The following PRRC2C variants were observed in gnomAD, a reference collection of about 807,000 sequenced individuals.
PRRC2C encodes the protein proline rich coiled-coil 2C, also known as protein PRRC2C.
In PRRC2C, 72 loss-of-function variants were observed where a neutral mutation model predicts 317.2. That is an observed-to-expected ratio of 0.23 (90% CI 0.19 to 0.28). PRRC2C has a LOEUF of 0.28. Ranked by LOEUF, PRRC2C falls within the 10% of genes least tolerant of loss-of-function variation. The pLI is 1.00. For missense variants in PRRC2C, 3,074 were observed against 3,459.7 expected (o/e 0.89, Z 2.80); for synonymous variants, 1,296 against 1,205.9 (o/e 1.07, Z -1.55).
chr1:171,529,783 A>G (rs1160075799), intron 11 of PRRC2C, among the ~76,000 whole-genome samples: 1 of 152,090 alleles, frequency 6.6e-6, no homozygotes, highest in Non-Finnish European at 1.5e-5. Flanking sequence ...ATCTCTGTCT[A>G]CTTTTCTAAT....
chr1:171,509,087 G>A (rs908282985), intron 1 of PRRC2C, among the ~76,000 whole-genome samples: 82 of 151,840 alleles, frequency 5.4e-4, no homozygotes, highest in African/African-American at 1.9e-3. Context: ...GGGTTTCACC[G>A]TGTTAGCCAG....
chr1:171,517,893 A>C (rs760008389), intron 6 of PRRC2C, 79 bp downstream of exon 6: 30 of 1,230,410 alleles, frequency 2.4e-5, no homozygotes, highest in South Asian at 5.7e-5. Flanking sequence ...TTATAGGGAA[A>C]AGTTTAGGTC....
chr1:171,562,704 GT>G (rs1180879566), intron 20 of PRRC2C, among the ~76,000 whole-genome samples: 1 of 152,166 alleles, frequency 6.6e-6, no homozygotes, highest in African/African-American at 2.4e-5. Flanking sequence ...TTTTTGACAT[GT>G]TAGATTTAAG....
intron 22 of PRRC2C, 83 bp from the exon 23 acceptor site, chr1:171,568,164 G>A (rs1162062686): frequency 1.4e-6 from 2 of 1,460,204 alleles, no homozygotes; most frequent in Non-Finnish European, 1.8e-6. Context: ...CAGCCTGCAT[G>A]ATAGCGAGAC....
intron 21 of PRRC2C, 68 bp downstream of exon 21, chr1:171,566,489 T>G: frequency 6.7e-7 from 1 of 1,486,658 alleles, no homozygotes; most frequent in Non-Finnish European, 9.0e-7. Flanking sequence ...AATAATACTT[T>G]TAAAAGTGAA....
At position 171,531,170 on chromosome 1, in the gene PRRC2C, C is replaced by G. The variant is rs61814665; in HGVS notation, c.1255-1173C>G. Among the ~76,000 whole-genome samples, 395 of 152,154 alleles carry G rather than the reference C, an allele frequency of 2.6e-3. 1 individual carries two copies. Among genetic ancestry groups the G allele is most frequent in the Non-Finnish European group, 4.1e-3 (282 of 68,006 alleles). ...AAATTCTAGGACAAACAGAACTATA[C>G]AAGGTTAGGGTTGGGGTGCTTGGGG... On this transcript the variant is annotated intron_variant, in intron 11 of 34. Coordinates refer to ENST00000647382, the MANE Select transcript of PRRC2C (RefSeq NM_001387844.1).
chr1:171,517,131 C>T (rs1380353624), intron 5 of PRRC2C, among the ~76,000 whole-genome samples: 1 of 152,160 alleles, frequency 6.6e-6, no homozygotes, highest in African/African-American at 2.4e-5. Context: ...CAGATAATTT[C>T]ACGCAATCTG....
chr1:171,540,860 C>T lies in PRRC2C; in HGVS notation c.3394C>T (p.Pro1132Ser). The T allele has an allele frequency of 6.2e-7, 1 of 1,613,624 alleles. No individual in the cohort carries two copies. Among genetic ancestry groups the T allele is most frequent in the South Asian group, 1.1e-5 (1 of 91,028 alleles). The stretch of plus-strand genomic sequence containing the variant: ...TGTAAACCAACAGACTATGGCAGCA[C>T]CAGTAGTCAAAGAAGAAAAACAACC... ...KTVNQQTMAA[P>S]VVKEEKQPEK... The change falls in exon 16 of 35, where the codon CCA (proline) becomes TCA (serine). Residue 1132 changes from proline to serine, a missense_variant. Around this residue, in one of 11 missense-constraint regions of PRRC2C, gnomAD observed 1,320 missense variants for 1,395.7 expected, o/e 0.95. Coordinates refer to ENST00000647382, the MANE Select transcript of PRRC2C (RefSeq NM_001387844.1).
In PRRC2C at chr1:171,536,196, A is replaced by G; in HGVS notation, c.2211A>G (p.Pro737=). The change falls in exon 14 of 35, where the codon CCA becomes CCG. Residue 737 remains proline, a synonymous_variant. Coordinates refer to ENST00000647382, the MANE Select transcript of PRRC2C (RefSeq NM_001387844.1). ...ATTTGGCTTCTATGGGTTTTGATCC[A>G]AGGTGGCTCATGATGCAGTCCTACA... The part of the protein sequence containing the change: ...PQHLASMGFD[P]RWLMMQSYMD... 6.2e-7 allele frequency: 1 copy of G among 1,613,476 alleles called. No individual in the cohort carries two copies. Among genetic ancestry groups the G allele is most frequent in the Non-Finnish European group, 8.5e-7 (1 of 1,179,672 alleles).
rs189907702 is a variant in PRRC2C, at chr1:171,520,223, A to G, written c.751-1954A>G. ...GGTGATCCTTCCTCCTCGGCCTCCC[A>G]AAGTGCTGGGATTACAGGCGTGAGC... On this transcript the variant is annotated intron_variant, in intron 6 of 34. Transcript: ENST00000647382. Among the ~76,000 whole-genome samples the G allele has an allele frequency of 6.1e-3, 922 of 152,304 alleles. 13 individuals are homozygous for G. The highest frequency in any genetic ancestry group is 0.01 in the Middle Eastern group (3 of 294).
rs1665892564 is a variant in PRRC2C, at chr1:171,485,729, C to T, written c.-64C>T. 1 of 152,362 alleles carries T rather than the reference C, an allele frequency of 6.6e-6. No homozygotes were observed. The highest frequency in any genetic ancestry group is 1.9e-4 in the East Asian group (1 of 5,200). 9.4% of individuals were successfully genotyped at this position (152,362 alleles called of 1,614,324 possible). On this transcript the variant is annotated 5_prime_UTR_variant, in exon 1 of 35. Transcript: ENST00000647382. The stretch of plus-strand genomic sequence containing the variant: ...GAAGTGCGCAAACTTGACACTCACC[C>T]TGACCGGTAAGGAAAGCGAGGGTGT...
rs546425093 is a variant in PRRC2C at position 171,485,535 on chromosome 1, C to T, written c.-258C>T. 1.3e-5 allele frequency: 2 copies of T among 152,810 alleles called. No homozygotes were observed. The highest frequency in any genetic ancestry group is 3.9e-4 in the East Asian group (2 of 5,182). 9.5% of individuals were successfully genotyped at this position (152,810 alleles called of 1,614,324 possible). On this transcript the variant is annotated 5_prime_UTR_variant, in exon 1 of 35. Transcript: ENST00000647382. ...TACGTAGGGGCTGGCTAGCCGCCAT[C>T]TTGCTTCTTTTTCTCGCTCGCTCGC...
chr1:171,556,154 G>A (rs985164957), intron 18 of PRRC2C, among the ~76,000 whole-genome samples: 1 of 152,232 alleles, frequency 6.6e-6, no homozygotes, highest in African/African-American at 2.4e-5. Flanking sequence ...CCCCAGCCAG[G>A]CTGCCACCTT....
rs572731108 is a variant in PRRC2C at position 171,551,358 on chromosome 1, T to C, written c.5127+1118T>C. 2.1e-3 allele frequency among the ~76,000 whole-genome samples: 325 copies of C among 152,338 alleles called. 3 individuals carry two copies. The highest frequency in any genetic ancestry group is 0.02 in the South Asian group (96 of 4,826). ...TTAAGTTCATTGTAGATTCTGGATA[T>C]TAGCCCTTTGTCAGATGAGTAGATT... On this transcript the variant is annotated intron_variant, in intron 18 of 34. Transcript: ENST00000647382.
In PRRC2C at chr1:171,536,043, G is replaced by T. The variant is rs1676772689; in HGVS notation, c.2058G>T (p.Gln686His). The change falls in exon 14 of 35, where the codon CAG (glutamine) becomes CAT (histidine). Residue 686 changes from glutamine (Q) to histidine (H), a missense_variant. Physicochemically the swap from Gln to His is conservative, Grantham distance 24 (BLOSUM62 0). This residue lies in a region of PRRC2C where 1,320 missense variants were observed against 1,395.7 expected (regional missense o/e 0.95). Transcript: ENST00000647382. ...TACTTTTTCAGGAACAGATGAAACA[G>T]CAGCAGTGGCAGCAGCAGCAACAGC... ...RFQRQQEQMK[Q>H]QQWQQQQQQG... 5 of 1,551,888 alleles carry T rather than the reference G, an allele frequency of 3.2e-6. No homozygotes were observed. The highest frequency in any genetic ancestry group is 4.4e-6 in the Non-Finnish European group (5 of 1,147,054).
At position 171,546,323 on chromosome 1, in the gene PRRC2C, C is replaced by T. The variant is rs139541547; in HGVS notation, c.4972+636C>T. Reference sequence around the variant, plus strand: ...ATTCATTTGGATGAAACTGGAAATACTGAATAAAATTGAGAGATTTACTAA... The same window carrying T: ...ATTCATTTGGATGAAACTGGAAATATTGAATAAAATTGAGAGATTTACTAA... On this transcript the variant is annotated intron_variant, in intron 17 of 34. Transcript: ENST00000647382. Among the ~76,000 whole-genome samples the T allele has an allele frequency of 7.9e-3, 1,199 of 152,258 alleles. 64 individuals are homozygous for T. Among genetic ancestry groups the T allele is most frequent in the Admixed American group, 0.072 (1,095 of 15,292 alleles).
At chr1:171,499,230 G>A (rs1185311766) in intron 1 of PRRC2C, among the ~76,000 whole-genome samples, 1 of 152,224 alleles carries the variant, frequency 6.6e-6, no homozygotes, top group Non-Finnish European at 1.5e-5. Flanking sequence ...CAGTGGATGA[G>A]GAAAGCACGT....
Position 171,591,603 on chromosome 1 carries a change from AGGTTCTTCAGTCCACGCAAC to A in PRRC2C, c.8462_8481del (p.Gln2821LeufsTer2). 1 of 1,613,800 alleles carries A rather than the reference AGGTTCTTCAGTCCACGCAAC, an allele frequency of 6.2e-7. No homozygotes were observed. The highest frequency in any genetic ancestry group is 8.5e-7 in the Non-Finnish European group (1 of 1,179,766). On this transcript the variant is annotated frameshift_variant, in exon 35 of 35. Transcript: ENST00000647382. LOFTEE classifies it high-confidence loss of function. ...TTTTTTAAGGCAAAGCAGAGAGCAG[AGGTTCTTCAGTCCACGCAAC>A]GGTTCTTCTCTGAACAGCAACAGAG...
In PRRC2C at chr1:171,527,865, T is replaced by A. The variant is rs745537520; in HGVS notation, c.1254+21T>A. 8.4e-6 allele frequency: 13 copies of A among 1,547,368 alleles called. No individual in the cohort carries two copies. In the African/African-American group the frequency reaches 1.2e-4, roughly 15 times the overall value. ...AGCAGGTAAATTTTAAGTGCTTGTTTATGGATTATATATTTTATTTGACCT... is the reference window on the plus strand; with the variant it reads ...AGCAGGTAAATTTTAAGTGCTTGTTAATGGATTATATATTTTATTTGACCT... On this transcript the variant is annotated intron_variant, in intron 11 of 34. Coordinates refer to ENST00000647382, the MANE Select transcript of PRRC2C (RefSeq NM_001387844.1).
Sources: allele counts gnomAD v4.1 joint callset (sites outside exome capture counted in the v4.1 genomes callset), GRCh38; gene constraint gnomAD v4.1.1; regional missense constraint gnomAD v4.1.1; transcripts MANE v1.5; gene names NCBI Gene and HGNC (gene_info 2026-07-23, HGNC 2026-07-21).